Variants in KIFAP3 observed in about 807,000 individuals in gnomAD.
KIFAP3 encodes kinesin associated protein 3.
Under a neutral mutation model 106.5 loss-of-function variants are expected in KIFAP3, and 68 were observed. That is an observed-to-expected ratio of 0.64 (90% CI 0.53 to 0.78). The LOEUF is 0.78. Ranked by LOEUF, KIFAP3 falls within the 30% of genes least tolerant of loss-of-function variation. The pLI is 0.00. For missense variants in KIFAP3, 780 were observed against 941.8 expected (o/e 0.83, Z 2.25); for synonymous variants, 320 against 311.5 (o/e 1.03, Z -0.29).
chr1:170,024,423 C>A lies in KIFAP3; in HGVS notation c.1015G>T (p.Asp339Tyr). 6.4e-7 allele frequency: 1 copy of A among 1,557,636 alleles called. No homozygotes were observed. ...GAAAAAGCTTTGTAAGTTACCATAT[C>A]ATTTTTATTCTCCATAAAAATGCTG... ...KLSIFMENKN[D>Y]MVEMDIVEKL... The change falls in exon 9 of 20, where the codon GAT becomes TAT. Residue 339 changes from aspartate (D) to tyrosine (Y), a missense_variant. Physicochemically the swap from Asp to Tyr is radical, Grantham distance 160. Around this residue, in one of 3 missense-constraint regions of KIFAP3, gnomAD observed 588 missense variants for 678.9 expected, o/e 0.87. Transcript: ENST00000361580.
chr1:169,992,116 T>A, intron 11 of KIFAP3, 39 bp downstream of exon 11: 1 of 974,912 alleles, frequency 1.0e-6, no homozygotes, highest in Admixed American at 3.0e-5. Flanking sequence ...AATATATATA[T>A]TTGTTAAATG....
intron 18 of KIFAP3, among the ~76,000 whole-genome samples, chr1:169,954,526 TA>T: frequency 6.6e-6 from 1 of 152,312 alleles, no homozygotes; most frequent in East Asian, 1.9e-4. Context: ...TGGTAAAGGG[TA>T]ATACTTTATT....
At chr1:170,018,263 G>C (rs1668622288) in intron 9 of KIFAP3, among the ~76,000 whole-genome samples, 1 of 152,092 alleles carries the variant, frequency 6.6e-6, no homozygotes, top group African/African-American at 2.4e-5. Flanking sequence ...GTTAGTAGTT[G>C]CAAGACAGAT....
At chr1:169,955,297 A>G (rs1199599839) in intron 18 of KIFAP3, among the ~76,000 whole-genome samples, 2 of 152,214 alleles carry the variant, frequency 1.3e-5, no homozygotes, top group Non-Finnish European at 2.9e-5. Context: ...TAAAATTACA[A>G]TACATAACCT....
intron 1 of KIFAP3, among the ~76,000 whole-genome samples, chr1:170,061,231 C>T (rs904262306): frequency 9.9e-5 from 15 of 152,250 alleles, no homozygotes; most frequent in African/African-American, 3.1e-4. Flanking sequence ...AGGCAACCTA[C>T]AGAATGGGAG....
chr1:170,035,448 A>G lies in KIFAP3; in HGVS notation c.617+6T>C, dbSNP rs748122525. 3 of 1,559,278 alleles carry G rather than the reference A, an allele frequency of 1.9e-6. No individual in the cohort carries two copies. Among genetic ancestry groups the G allele is most frequent in the Non-Finnish European group, 2.6e-6 (3 of 1,143,112 alleles). ...AGCCTTTTTATTTAATAATTTTTAT[A>G]CTTACCTGGAGAAACAAAAAAAGAT... On this transcript the variant is annotated splice_donor_region_variant and intron_variant, in intron 6 of 19. Transcript: ENST00000361580.
At chr1:169,934,384 T>G (rs1663668730) in intron 19 of KIFAP3, among the ~76,000 whole-genome samples, 1 of 152,150 alleles carries the variant, frequency 6.6e-6, no homozygotes, top group African/African-American at 2.4e-5. Flanking sequence ...TAACAACACC[T>G]TTAGGGATGA....
chr1:169,946,532 A>C (rs1664448989), intron 19 of KIFAP3, among the ~76,000 whole-genome samples: 1 of 152,082 alleles, frequency 6.6e-6, no homozygotes, highest in Non-Finnish European at 1.5e-5. Flanking sequence ...TAATAGTAGG[A>C]GTGTTGGCTC....
At chr1:169,972,476 G>A in intron 17 of KIFAP3, 37 bp downstream of exon 17, 1 of 1,000,796 alleles carries the variant, frequency 1.0e-6, no homozygotes, top group Non-Finnish European at 1.6e-6. Flanking sequence ...CCAAGATGAA[G>A]TCAATTATAC....
chr1:170,031,709 T>C (rs1669420542), intron 8 of KIFAP3, among the ~76,000 whole-genome samples, 177 bp downstream of exon 8: 1 of 151,714 alleles, frequency 6.6e-6, no homozygotes, highest in Admixed American at 6.6e-5. Flanking sequence ...GGAAAAATAG[T>C]AGAGTGAAAT....
rs1197378697 is a variant in KIFAP3 at position 169,928,914 on chromosome 1, G to GC, written c.2274-7134dup. ...TGAAATCAGATTGTAGAAGAAGCTT[G>GC]CCCCTATCTTCTACAGGGCTGAACT... On this transcript the variant is annotated intron_variant, in intron 19 of 19. Transcript: ENST00000361580. 4.6e-5 allele frequency among the ~76,000 whole-genome samples: 7 copies of GC among 152,092 alleles called. No homozygotes were observed. In the South Asian group the frequency reaches 1.2e-3, roughly 27 times the overall value.
chr1:170,063,258 A>C (rs565902523), intron 1 of KIFAP3, among the ~76,000 whole-genome samples: 1 of 152,252 alleles, frequency 6.6e-6, no homozygotes, highest in South Asian at 2.1e-4. Context: ...AGATAACAAC[A>C]CTATTGTCAA....
chr1:170,002,970 A>C (rs1667740553), intron 10 of KIFAP3, among the ~76,000 whole-genome samples: 2 of 152,176 alleles, frequency 1.3e-5, no homozygotes, highest in Admixed American at 6.5e-5. Context: ...AATACGTTTA[A>C]AGAACAGTTT....
rs369817154 is a variant in KIFAP3 at position 170,031,853 on chromosome 1, T to C, written c.841+33A>G. ...AACAAATGTATTTGGAGTAAGTACT[T>C]TGTTGCTTTCCTCATTGCTTAGGAA... On this transcript the variant is annotated intron_variant, in intron 8 of 19. Transcript: ENST00000361580. The C allele has an allele frequency of 3.3e-5, 44 of 1,343,570 alleles. No individual in the cohort carries two copies. In the African/African-American group the frequency reaches 6.1e-4, roughly 18 times the overall value. 83.2% of individuals were successfully genotyped at this position (1,343,570 alleles called of 1,614,324 possible). A position where few individuals can be genotyped will look rare whatever the true frequency, so the allele number is the denominator to read the frequency against.
At chr1:170,056,028 G>T (rs971857512) in intron 1 of KIFAP3, among the ~76,000 whole-genome samples, 1 of 151,948 alleles carries the variant, frequency 6.6e-6, no homozygotes. Context: ...GCTAATTGCA[G>T]GCTGAGGCGG....
intron 11 of KIFAP3, 62 bp downstream of exon 11, chr1:169,992,088 CAAGAG>C (rs1341255927): frequency 1.4e-6 from 1 of 691,176 alleles, no homozygotes; most frequent in Non-Finnish European, 2.1e-6. Flanking sequence ...CTTGACAAAT[CAAGAG>C]AAAAGAGTAA....
intron 10 of KIFAP3, among the ~76,000 whole-genome samples, chr1:170,009,683 T>G (rs183116496): frequency 8.5e-5 from 13 of 152,260 alleles, no homozygotes; most frequent in African/African-American, 2.9e-4. Flanking sequence ...CAAGTTACTT[T>G]TGAAACACTA....
At chr1:169,971,774 A>G (rs1361578529) in intron 17 of KIFAP3, among the ~76,000 whole-genome samples, 1 of 152,016 alleles carries the variant, frequency 6.6e-6, no homozygotes, top group Non-Finnish European at 1.5e-5. Context: ...CATTCAATAA[A>G]CTTTCTAAAG....
In KIFAP3 at chr1:169,921,787, A is replaced by T; in HGVS notation, c.2274-6T>A. Reference sequence around the variant, plus strand: ...CAAAGCCATCCATTCCAAGGCTAAAAAAGAAAAAAAAGAATGATAAGCTAT... The same window carrying T: ...CAAAGCCATCCATTCCAAGGCTAAATAAGAAAAAAAAGAATGATAAGCTAT... On this transcript the variant is annotated splice_polypyrimidine_tract_variant and splice_region_variant and intron_variant, in intron 19 of 19. Coordinates refer to ENST00000361580, the MANE Select transcript of KIFAP3 (RefSeq NM_014970.4). 6.2e-7 allele frequency: 1 copy of T among 1,602,706 alleles called. No homozygotes were observed. The highest frequency in any genetic ancestry group is 8.5e-7 in the Non-Finnish European group (1 of 1,170,048).
Sources: allele counts gnomAD v4.1 joint callset (sites outside exome capture counted in the v4.1 genomes callset), GRCh38; gene constraint gnomAD v4.1.1; regional missense constraint gnomAD v4.1.1; transcripts MANE v1.5; gene names NCBI Gene and HGNC (gene_info 2026-07-23, HGNC 2026-07-21).